KIAA1328: variants seen among roughly 807,000 people sequenced by gnomAD.
KIAA1328 encodes the protein protein hinderin.
In KIAA1328, 52 loss-of-function variants were observed where a neutral mutation model predicts 68.1. That is an observed-to-expected ratio of 0.76 (90% CI 0.61 to 0.96). The LOEUF is 0.96. KIAA1328 is among the 40% of genes least tolerant of loss of function. The probability of loss-of-function intolerance (pLI) is 0.00; values close to 1 mark genes in which losing one functional copy is unlikely to be tolerated. For synonymous variants in KIAA1328, 232 were observed against 239.4 expected, an observed-to-expected ratio of 0.97 and a Z score of 0.28; for missense variants, 641 against 677.6, an observed-to-expected ratio of 0.95 and a Z score of 0.60.
intron 6 of KIAA1328, among the ~76,000 whole-genome samples, chr18:37,046,551 A>G (rs896960799): frequency 6.6e-6 from 1 of 152,214 alleles, no homozygotes; most frequent in African/African-American, 2.4e-5. Flanking sequence ...CAGAAAAGCA[A>G]TGACTAATGT....
chr18:37,211,418 T>C (rs1283585770), intron 9 of KIAA1328, among the ~76,000 whole-genome samples: 1 of 152,214 alleles, frequency 6.6e-6, no homozygotes, highest in East Asian at 1.9e-4. Context: ...CAGTTCTCCT[T>C]TCCTTCTGGA....
intron 6 of KIAA1328, among the ~76,000 whole-genome samples, chr18:37,054,330 A>G (rs2055825918): frequency 6.6e-6 from 1 of 152,142 alleles, no homozygotes; most frequent in Admixed American, 6.5e-5. Flanking sequence ...AAAGGAAAAA[A>G]AATCATTTTA....
rs577201453 is a variant in KIAA1328, at chr18:37,110,735, CT to C, written c.1232+43191del. On this transcript the variant is annotated intron_variant, in intron 7 of 9. Transcript: ENST00000280020. The stretch of plus-strand genomic sequence containing the variant: ...GAAGATAGATGAAAAGAAATAATTA[CT>C]GTTTCTGAGCATACATTTTGTTTAT... Among the ~76,000 whole-genome samples, 19 of 152,282 alleles carry C rather than the reference CT, an allele frequency of 1.2e-4. No homozygotes were observed. The East Asian group carries it at 3.5e-3, about 28-fold the overall frequency.
intron 6 of KIAA1328, among the ~76,000 whole-genome samples, chr18:37,066,086 A>G (rs575124001): frequency 1.3e-5 from 2 of 152,310 alleles, no homozygotes; most frequent in East Asian, 3.9e-4. Context: ...CATGTTTGAC[A>G]AGCACCCTTC....
intron 6 of KIAA1328, among the ~76,000 whole-genome samples, chr18:36,970,679 A>T (rs1306244981): frequency 6.6e-6 from 1 of 152,222 alleles, no homozygotes; most frequent in Non-Finnish European, 1.5e-5. Flanking sequence ...GAGCCAAATC[A>T]TGAGTGAACT....
At chr18:36,976,619 T>C (rs918859469) in intron 6 of KIAA1328, among the ~76,000 whole-genome samples, 10 of 151,896 alleles carry the variant, frequency 6.6e-5, no homozygotes, top group African/African-American at 2.4e-4. Context: ...CAGTGTAATA[T>C]TTATTACGTT....
intron 6 of KIAA1328, among the ~76,000 whole-genome samples, chr18:37,006,129 A>G (rs2053773072): frequency 6.6e-6 from 1 of 152,166 alleles, no homozygotes; most frequent in African/African-American, 2.4e-5. Flanking sequence ...TTATATATGC[A>G]TAATAAAATA....
intron 7 of KIAA1328, chr18:37,084,181 C>CTA: frequency 6.5e-7 from 1 of 1,527,036 alleles, no homozygotes; most frequent in Non-Finnish European, 8.7e-7. Context: ...AAACAGCTTA[C>CTA]TAAACCCCAA....
At chr18:37,205,501 C>T (rs1322305411) in intron 9 of KIAA1328, among the ~76,000 whole-genome samples, 1 of 152,142 alleles carries the variant, frequency 6.6e-6, no homozygotes, top group Non-Finnish European at 1.5e-5. Flanking sequence ...ACAGAATGTT[C>T]CCATGCATTT....
intron 5 of KIAA1328, among the ~76,000 whole-genome samples, chr18:36,915,546 G>A (rs1449115028): frequency 6.6e-6 from 1 of 152,120 alleles, no homozygotes; most frequent in Non-Finnish European, 1.5e-5. Flanking sequence ...GGACAGCATA[G>A]TACGGCAATA....
At chr18:37,225,521 T>C (rs2060629396), downstream of KIAA1328, among the ~76,000 whole-genome samples, 3 of 152,218 alleles carry the variant, frequency 2.0e-5, no homozygotes, top group Admixed American at 2.0e-4. Context: ...GTTTTTCTGC[T>C]GTGGCTCCTG....
At chr18:37,186,031 A>T (rs2059790682) in intron 9 of KIAA1328, among the ~76,000 whole-genome samples, 1 of 151,050 alleles carries the variant, frequency 6.6e-6, no homozygotes, top group East Asian at 2.0e-4. Flanking sequence ...CATGTAGCTG[A>T]CATTGATATA....
chr18:37,070,286 A>G (rs137993959), intron 7 of KIAA1328, among the ~76,000 whole-genome samples: 1 of 152,128 alleles, frequency 6.6e-6, no homozygotes, highest in Non-Finnish European at 1.5e-5. Flanking sequence ...AAGAATACGT[A>G]TTCTGCTGTT....
chr18:37,004,917 C>T (rs1260342801), intron 6 of KIAA1328, among the ~76,000 whole-genome samples: 1 of 152,058 alleles, frequency 6.6e-6, no homozygotes, highest in African/African-American at 2.4e-5. Context: ...ACTACTCAGC[C>T]ATAAAAAGGA....
chr18:37,151,992 G>A (rs1489828290), intron 7 of KIAA1328, among the ~76,000 whole-genome samples: 6 of 151,362 alleles, frequency 4.0e-5, no homozygotes, highest in Non-Finnish European at 8.8e-5. Context: ...GATGAAGAGA[G>A]CTTCCTTAGG....
At chr18:36,951,227 T>C (rs568266302) in intron 5 of KIAA1328, among the ~76,000 whole-genome samples, 1 of 152,326 alleles carries the variant, frequency 6.6e-6, no homozygotes, top group South Asian at 2.1e-4. Flanking sequence ...TTCTTGTCAT[T>C]ACTCTTCATT....
At chr18:37,147,805 A>T (rs910261516) in intron 7 of KIAA1328, among the ~76,000 whole-genome samples, 1 of 152,096 alleles carries the variant, frequency 6.6e-6, no homozygotes, top group Non-Finnish European at 1.5e-5. Flanking sequence ...TAGCATTTCT[A>T]TATAGTTATG....
chr18:37,029,872 C>T (rs933159146), intron 6 of KIAA1328, among the ~76,000 whole-genome samples: 1 of 152,072 alleles, frequency 6.6e-6, no homozygotes, highest in Admixed American at 6.6e-5. Context: ...TTTTTAATTA[C>T]TATGTCAATT....
intron 4 of KIAA1328, among the ~76,000 whole-genome samples, chr18:36,880,271 G>GC (rs2150963834): frequency 6.6e-6 from 1 of 152,286 alleles, no homozygotes; most frequent in Non-Finnish European, 1.5e-5. Flanking sequence ...GCTTCCCTTT[G>GC]CTAGTGGAGG....
Sources: allele counts gnomAD v4.1 joint callset (sites outside exome capture counted in the v4.1 genomes callset), GRCh38; gene constraint gnomAD v4.1.1; transcripts MANE v1.5; gene names NCBI Gene and HGNC (gene_info 2026-07-23, HGNC 2026-07-21).